The following AGPS variants were observed in gnomAD, a reference collection of about 807,000 sequenced individuals.
The protein encoded by AGPS is alkylglycerone phosphate synthase, also known as alkyldihydroxyacetonephosphate synthase, peroxisomal.
AGPS carries 26 observed loss-of-function variants against 90.7 expected under a neutral mutation model. That is an observed-to-expected ratio of 0.29 (90% CI 0.21 to 0.40). The LOEUF is 0.40. Ranked by LOEUF, AGPS falls within the 10% of genes least tolerant of loss-of-function variation. The pLI, the probability that AGPS is intolerant of heterozygous loss-of-function variation, is 1.00. For synonymous variants in AGPS, 294 were observed against 285.3 expected (o/e 1.03, Z -0.31); for missense variants, 540 against 816.1 (o/e 0.66, Z 4.12).
At chr2:177,493,376 C>G (rs561435266) in intron 12 of AGPS, among the ~76,000 whole-genome samples, 177 bp downstream of exon 12, 1 of 152,118 alleles carries the variant, frequency 6.6e-6, no homozygotes, top group African/African-American at 2.4e-5. Context: ...TGTTGGAGGG[C>G]CTGTGAAAGA....
rs531918689 is a variant in AGPS at position 177,420,610 on chromosome 2, A to T, written c.350+252A>T. 1.9e-3 allele frequency among the ~76,000 whole-genome samples: 283 copies of T among 151,580 alleles called. 2 individuals carry two copies. Among genetic ancestry groups the T allele is most frequent in the African/African-American group, 6.6e-3 (272 of 41,366 alleles). ...AAATAAGGACCTAATATAACCAATT[A>T]TATAATATTATATATCCAAAATAGC... On this transcript the variant is annotated intron_variant, in intron 2 of 19. Coordinates refer to ENST00000264167, the MANE Select transcript of AGPS (RefSeq NM_003659.4).
chr2:177,517,852 AT>A (rs1689066901), intron 17 of AGPS, among the ~76,000 whole-genome samples: 1 of 152,178 alleles, frequency 6.6e-6, no homozygotes, highest in African/African-American at 2.4e-5. Flanking sequence ...TGATATCTTT[AT>A]CTTTCATAAC....
At chr2:177,477,562 A>G (rs547205991) in intron 10 of AGPS, among the ~76,000 whole-genome samples, 2 of 152,232 alleles carry the variant, frequency 1.3e-5, no homozygotes, top group Non-Finnish European at 1.5e-5. Flanking sequence ...GGGATGCTCA[A>G]CTGGTAAGTA....
At chr2:177,492,498 C>T (rs1559070734) in intron 11 of AGPS, among the ~76,000 whole-genome samples, 1 of 152,076 alleles carries the variant, frequency 6.6e-6, no homozygotes, top group Non-Finnish European at 1.5e-5. Flanking sequence ...TACTCTTATG[C>T]CAATATTTGA....
chr2:177,499,747 A>C lies in AGPS; in HGVS notation c.1475+17A>C. The C allele has an allele frequency of 6.7e-7, 1 of 1,482,788 alleles. No homozygotes were observed. Among genetic ancestry groups the C allele is most frequent in the Admixed American group, 1.7e-5 (1 of 59,800 alleles). 91.9% of individuals were successfully genotyped at this position (1,482,788 alleles called of 1,614,324 possible). On this transcript the variant is annotated intron_variant, in intron 14 of 19. Transcript: ENST00000264167. ...AAAATTTGGGTATGGCTTCAAGTTC[A>C]TAATGCCAAGAGAAAGAGTTAAAAG...
chr2:177,510,632 G>T (rs1301522523), intron 16 of AGPS, among the ~76,000 whole-genome samples: 1 of 151,372 alleles, frequency 6.6e-6, no homozygotes, highest in Non-Finnish European at 1.5e-5. Flanking sequence ...ATATTTATTT[G>T]ACACACTGAT....
At chr2:177,474,491 G>A (rs1018570167) in intron 10 of AGPS, among the ~76,000 whole-genome samples, 1 of 152,174 alleles carries the variant, frequency 6.6e-6, no homozygotes, top group Non-Finnish European at 1.5e-5. Flanking sequence ...CACATTCCTG[G>A]TGACTGTACC....
chr2:177,460,236 G>A (rs1335776144), intron 8 of AGPS, among the ~76,000 whole-genome samples: 3 of 152,040 alleles, frequency 2.0e-5, no homozygotes, highest in Non-Finnish European at 4.4e-5. Context: ...GATGGGTGCA[G>A]CAAACCACCA....
intron 13 of AGPS, 140 bp from the exon 14 acceptor site, chr2:177,499,478 C>T (rs570272733): frequency 2.0e-4 from 117 of 597,974 alleles, no homozygotes; most frequent in African/African-American, 1.9e-3. Context: ...TAGTGATTGA[C>T]ATGTAAAGTT....
At chr2:177,524,140 A>C (rs1574032218) in intron 19 of AGPS, among the ~76,000 whole-genome samples, 2 of 152,334 alleles carry the variant, frequency 1.3e-5, no homozygotes, top group East Asian at 3.9e-4. Context: ...AAGAAAACCT[A>C]CATAAATGTT....
At chr2:177,473,373 T>C (rs1159894908) in intron 10 of AGPS, among the ~76,000 whole-genome samples, 1 of 152,222 alleles carries the variant, frequency 6.6e-6, no homozygotes, top group Non-Finnish European at 1.5e-5. Context: ...ACTTGCATTT[T>C]ATATCAAACA....
At chr2:177,445,726 A>G (rs1301181977) in intron 8 of AGPS, 100 bp downstream of exon 8, 5 of 749,390 alleles carry the variant, frequency 6.7e-6, no homozygotes, top group Non-Finnish European at 1.1e-5. Flanking sequence ...TATCCCCTCT[A>G]TGAATGAAAT....
intron 12 of AGPS, among the ~76,000 whole-genome samples, chr2:177,495,860 G>C (rs1259579190): frequency 2.0e-5 from 3 of 146,908 alleles, no homozygotes; most frequent in African/African-American, 7.6e-5. Flanking sequence ...AGAGGTTGCT[G>C]TGAGCCGAGA....
intron 2 of AGPS, 104 bp downstream of exon 2, chr2:177,420,462 C>A: frequency 1.2e-6 from 1 of 853,934 alleles, no homozygotes; most frequent in Non-Finnish European, 1.9e-6. Context: ...TGAGTTTAAA[C>A]ATTATCAACA....
At chr2:177,521,828 T>G (rs2105733542) in intron 18 of AGPS, among the ~76,000 whole-genome samples, 1 of 152,354 alleles carries the variant, frequency 6.6e-6, no homozygotes, top group South Asian at 2.1e-4. Context: ...TAGCAGTTTC[T>G]ATTACTTTCT....
chr2:177,458,463 C>A (rs1000962369), intron 8 of AGPS, among the ~76,000 whole-genome samples: 1 of 152,118 alleles, frequency 6.6e-6, no homozygotes, highest in Non-Finnish European at 1.5e-5. Context: ...CCCAAAATCT[C>A]CTTAAGCTGA....
chr2:177,493,406 G>A lies in AGPS; in HGVS notation c.1285+207G>A, dbSNP rs150905206. Reference sequence around the variant, plus strand: ...GAAAGAAGACTGCACTGGATACCATGGGCTGCAAATGAAGGAATTGATTCT... The same window carrying A: ...GAAAGAAGACTGCACTGGATACCATAGGCTGCAAATGAAGGAATTGATTCT... On this transcript the variant is annotated intron_variant, in intron 12 of 19. Coordinates refer to ENST00000264167, the MANE Select transcript of AGPS (RefSeq NM_003659.4). Among the ~76,000 whole-genome samples, 803 of 152,272 alleles carry A rather than the reference G, an allele frequency of 5.3e-3. 8 individuals are homozygous for A. The highest frequency in any genetic ancestry group is 0.01 in the Middle Eastern group (3 of 294).
At chr2:177,485,331 A>C (rs1318443208) in intron 11 of AGPS, among the ~76,000 whole-genome samples, 2 of 152,358 alleles carry the variant, frequency 1.3e-5, no homozygotes, top group African/African-American at 4.8e-5. Context: ...AAATTTCATT[A>C]ATAAGAAGTG....
chr2:177,519,904 T>A (rs1689129818), intron 17 of AGPS, among the ~76,000 whole-genome samples: 1 of 152,260 alleles, frequency 6.6e-6, no homozygotes, highest in African/African-American at 2.4e-5. Flanking sequence ...CAAGGTCTGC[T>A]GATTGCCCAT....
Sources: allele counts gnomAD v4.1 joint callset (sites outside exome capture counted in the v4.1 genomes callset), GRCh38; gene constraint gnomAD v4.1.1; transcripts MANE v1.5; gene names NCBI Gene and HGNC (gene_info 2026-07-23, HGNC 2026-07-21).